The following NOD2 variants were observed in gnomAD, a reference collection of about 807,000 sequenced individuals.
NOD2 encodes the protein nucleotide binding oligomerization domain containing 2.
A neutral mutation model predicts 90.9 loss-of-function variants in NOD2; 86 were observed. That is an observed-to-expected ratio of 0.95 (90% CI 0.79 to 1.13). NOD2 has a LOEUF of 1.13. Ranked by LOEUF, NOD2 falls within the 50% of genes most tolerant of loss-of-function variation. The pLI is 0.00. For synonymous variants in NOD2, 581 were observed against 554.6 expected, an observed-to-expected ratio of 1.05 and a Z score of -0.67; for missense variants, 1,238 against 1,283.8, an observed-to-expected ratio of 0.96 and a Z score of 0.55.
In NOD2 at chr16:50,711,640, C is replaced by A. The variant is rs758507559; in HGVS notation, c.1648C>A (p.Pro550Thr). 2.5e-6 allele frequency: 4 copies of A among 1,612,796 alleles called. No homozygotes were observed. In the Admixed American group the frequency reaches 6.7e-5, roughly 27 times the overall value. Residue 550 changes from proline (P) to threonine (T), a missense_variant, in exon 4 of 12, where the codon CCT becomes ACT. Physicochemically the swap from Pro to Thr is conservative, Grantham distance 38. Transcript: ENST00000647318. ...GCAGCTCCAGGCAGCACAGGTCAGCCCTGATGACATTTCTCTTGGCTTCCT... is the reference window on the plus strand; with the variant it reads ...GCAGCTCCAGGCAGCACAGGTCAGCACTGATGACATTTCTCTTGGCTTCCT... ...AQQLQAAQVSPDDISLGFLVR... is the reference protein window; with the variant it reads ...AQQLQAAQVSTDDISLGFLVR...
intron 1 of NOD2, among the ~76,000 whole-genome samples, chr16:50,698,878 G>A (rs59712090): frequency 0.016 from 2,390 of 151,722 alleles, 68 homozygotes; most frequent in African/African-American, 0.054. Flanking sequence ...ACCCTGCTTC[G>A]AAGAGAATGA....
At chr16:50,708,845 C>G (rs555899445) in intron 3 of NOD2, among the ~76,000 whole-genome samples, 1 of 152,184 alleles carries the variant, frequency 6.6e-6, no homozygotes, top group Non-Finnish European at 1.5e-5. Flanking sequence ...GCGAGTGCAC[C>G]GTCTCATTGA....
At chr16:50,695,101 C>T (rs1369558709) in intron 1 of NOD2, among the ~76,000 whole-genome samples, 2 of 150,936 alleles carry the variant, frequency 1.3e-5, no homozygotes, top group Non-Finnish European at 2.9e-5. Flanking sequence ...AGAGGAGTCA[C>T]CTGCTTTGAC....
rs750745611 is a variant in NOD2 at position 50,699,533 on chromosome 16, A to C, written c.38A>C (p.Gln13Pro). ...SQEAFQAQRS[Q>P]LVELLVSGSL... ...GAGGCTTTTCAGGCACAGAGGAGCC[A>C]GCTGGTCGAGCTGCTGGTCTCAGGG... Residue 13 changes from glutamine (Q) to proline (P), a missense_variant, in exon 2 of 12, where the codon CAG (glutamine) becomes CCG (proline). This residue lies in a region of NOD2 where 567 missense variants were observed against 577.3 expected (regional missense o/e 0.98). Coordinates refer to ENST00000647318, the MANE Select transcript of NOD2 (RefSeq NM_001370466.1). The C allele has an allele frequency of 6.2e-7, 1 of 1,613,900 alleles. No homozygotes were observed. Among genetic ancestry groups the C allele is most frequent in the East Asian group, 2.2e-5 (1 of 44,872 alleles).
At chr16:50,694,038 G>T (rs1963533429) in intron 1 of NOD2, among the ~76,000 whole-genome samples, 1 of 152,070 alleles carries the variant, frequency 6.6e-6, no homozygotes, top group Non-Finnish European at 1.5e-5. Flanking sequence ...TGTTGGGTGT[G>T]AGATCTAAGT....
Position 50,710,966 on chromosome 16 carries a change from A to G in NOD2, c.974A>G (p.His325Arg), listed in dbSNP as rs5743272. The change falls in exon 4 of 12, where the codon CAC becomes CGC. Residue 325 changes from histidine (H) to arginine (R), a missense_variant. Around this residue, in one of 3 missense-constraint regions of NOD2, gnomAD observed 567 missense variants for 577.3 expected, o/e 0.98. Transcript: ENST00000647318. ...PLSVRTLLFE[H>R]CCWPDVGQED... is the part of the protein sequence containing the mutation. Reference sequence around the variant, plus strand: ...TCTGTGCGGACTCTACTCTTTGAGCACTGCTGTTGGCCTGATGTTGGTCAA... The same window carrying G: ...TCTGTGCGGACTCTACTCTTTGAGCGCTGCTGTTGGCCTGATGTTGGTCAA... 1,136 of 1,614,170 alleles carry G rather than the reference A, an allele frequency of 7.0e-4. 4 individuals are homozygous for G. The African/African-American group carries it at 0.012, about 17-fold the overall frequency.
chr16:50,721,337 A>G (rs532679101), intron 7 of NOD2, among the ~76,000 whole-genome samples: 20 of 148,726 alleles, frequency 1.3e-4, no homozygotes, highest in Middle Eastern at 7.1e-3. Context: ...ACGCTGTCAT[A>G]TGATACAAAG....
At position 50,732,784 on chromosome 16, in the gene NOD2, C is replaced by T. The variant is rs1261057225; in HGVS notation, c.*965C>T. The T allele has an allele frequency of 6.6e-6, 1 of 152,240 alleles. No homozygotes were observed. The highest frequency in any genetic ancestry group is 1.5e-5 in the Non-Finnish European group (1 of 68,024). The allele number at this position is 152,240 out of a possible 1,614,324, so 9.4% of individuals were successfully genotyped here. On this transcript the variant is annotated 3_prime_UTR_variant, in exon 12 of 12. Coordinates refer to ENST00000647318, the MANE Select transcript of NOD2 (RefSeq NM_001370466.1). ...AGAGGCAGTTCCATTTCATTTGTGC[C>T]AGAATGCTTTAGGATGTACAGTTAT...
At position 50,712,028 on chromosome 16, in the gene NOD2, G is replaced by C. The variant is rs539297110; in HGVS notation, c.2036G>C (p.Cys679Ser). The C allele has an allele frequency of 4.3e-6, 7 of 1,613,134 alleles. No individual in the cohort carries two copies. The highest frequency in any genetic ancestry group is 5.9e-6 in the Non-Finnish European group (7 of 1,179,888). Reference sequence around the variant, plus strand: ...AAGGCCCTGCTCCGGCGCCAGGCCTGTGCCCGCTGGTGTCTGGCCCGCAGC... The same window carrying C: ...AAGGCCCTGCTCCGGCGCCAGGCCTCTGCCCGCTGGTGTCTGGCCCGCAGC... ...SEKALLRRQA[C>S]ARWCLARSLR... Residue 679 changes from cysteine to serine, a missense_variant, in exon 4 of 12, where the codon TGT becomes TCT. Cys to Ser is a moderately radical substitution (Grantham distance 112). Around this residue, in one of 3 missense-constraint regions of NOD2, gnomAD observed 667 missense variants for 688.7 expected, o/e 0.97. Transcript: ENST00000647318.
intron 8 of NOD2, 128 bp from the exon 9 acceptor site, chr16:50,723,173 G>A (rs890958436): frequency 2.1e-4 from 113 of 530,870 alleles, no homozygotes; most frequent in Non-Finnish European, 2.4e-4. Flanking sequence ...AAAGAGCACC[G>A]CAATCAATTA....
At chr16:50,709,392 C>A (rs561088017) in intron 3 of NOD2, among the ~76,000 whole-genome samples, 1 of 152,174 alleles carries the variant, frequency 6.6e-6, no homozygotes, top group Non-Finnish European at 1.5e-5. Flanking sequence ...TGGCGGGGGA[C>A]CATGCCAAGC....
chr16:50,698,511 C>T (rs7206340), intron 1 of NOD2, among the ~76,000 whole-genome samples: 1,644 of 152,316 alleles, frequency 0.011, 39 homozygotes, highest in African/African-American at 0.038. Flanking sequence ...TGAGTCTACC[C>T]CTTGGAGTAG....
Position 50,710,586 on chromosome 16 carries a change from G to A in NOD2, c.594G>A (p.Lys198=). The A allele has an allele frequency of 2.5e-6, 4 of 1,614,190 alleles. No homozygotes were observed. Among genetic ancestry groups the A allele is most frequent in the Non-Finnish European group, 3.4e-6 (4 of 1,180,032 alleles). The change falls in exon 4 of 12, where the codon AAG becomes AAA. Residue 198 remains lysine (K), a synonymous_variant. Coordinates refer to ENST00000647318, the MANE Select transcript of NOD2 (RefSeq NM_001370466.1). ...CCACATGCAAGAAGTATATGGCCAA[G>A]CTGAGGACCACGGTGTCTGCTCAGT... ...EAATCKKYMA[K]LRTTVSAQSR...
At chr16:50,715,043 A>T (rs1238055315) in intron 4 of NOD2, among the ~76,000 whole-genome samples, 1 of 152,178 alleles carries the variant, frequency 6.6e-6, no homozygotes, top group African/African-American at 2.4e-5. Flanking sequence ...GATTTGCATG[A>T]CCTGCAACCT....
At chr16:50,731,618 A>G (rs1474102085) in intron 11 of NOD2, 129 bp from the exon 12 acceptor site, 17 of 728,622 alleles carry the variant, frequency 2.3e-5, no homozygotes, top group Non-Finnish European at 4.2e-5. Context: ...CTTCCCTGCA[A>G]GAAACACTGC....
chr16:50,722,825 T>C (rs757092475), intron 8 of NOD2, 120 bp downstream of exon 8: 5 of 942,390 alleles, frequency 5.3e-6, no homozygotes, highest in African/African-American at 1.6e-5. Flanking sequence ...GGCAATGGAG[T>C]AAGGAAAAAA....
chr16:50,717,755 C>T (rs1176756591), intron 6 of NOD2, among the ~76,000 whole-genome samples: 2 of 152,242 alleles, frequency 1.3e-5, no homozygotes, highest in Non-Finnish European at 2.9e-5. Flanking sequence ...GCTACCACTG[C>T]CTGATCCCTC....
At position 50,711,446 on chromosome 16, in the gene NOD2, A is replaced by G. The variant is rs1159805501; in HGVS notation, c.1454A>G (p.Asp485Gly). ...QEGGSPKTTTDMYLLILQHFL... is the reference protein window; with the variant it reads ...QEGGSPKTTTGMYLLILQHFL... ...GGGGGGTCCCCAAAGACCACTACAGATATGTACCTGCTGATTCTGCAGCAT... is the reference window on the plus strand; with the variant it reads ...GGGGGGTCCCCAAAGACCACTACAGGTATGTACCTGCTGATTCTGCAGCAT... Residue 485 changes from aspartate (D) to glycine (G), a missense_variant, in exon 4 of 12, where the codon GAT becomes GGT. Coordinates refer to ENST00000647318, the MANE Select transcript of NOD2 (RefSeq NM_001370466.1). 1.2e-6 allele frequency: 2 copies of G among 1,613,474 alleles called. No individual in the cohort carries two copies. Among genetic ancestry groups the G allele is most frequent in the East Asian group, 2.2e-5 (1 of 44,874 alleles).
In NOD2 at chr16:50,731,735, G is replaced by C; in HGVS notation, c.2970-12G>C. The stretch of plus-strand genomic sequence containing the variant: ...TCCTCACTCAAACCTCTGTTCACTT[G>C]ATCTGCTTTAGGCTCCGAGGGAACA... On this transcript the variant is annotated splice_polypyrimidine_tract_variant and intron_variant, in intron 11 of 11. Coordinates refer to ENST00000647318, the MANE Select transcript of NOD2 (RefSeq NM_001370466.1). 1 of 1,606,254 alleles carries C rather than the reference G, an allele frequency of 6.2e-7. No homozygotes were observed. The highest frequency in any genetic ancestry group is 8.5e-7 in the Non-Finnish European group (1 of 1,172,884).
Sources: gnomAD v4.1 joint callset for allele counts (sites outside exome capture counted in the v4.1 genomes callset) on GRCh38, gnomAD v4.1.1 for gene constraint, gnomAD v4.1.1 regional missense constraint, MANE v1.5 for transcripts, NCBI Gene and HGNC (gene_info 2026-07-23, HGNC 2026-07-21) for gene names.